The following LASP1 variants were observed in gnomAD, a reference collection of about 807,000 sequenced individuals.
The protein encoded by LASP1 is LIM and SH3 protein 1, also known as LIM and SH3 domain protein 1.
Under a neutral mutation model 38.6 loss-of-function variants are expected in LASP1, and 10 were observed. The ratio of observed to expected loss-of-function variants is 0.26; its 90% CI spans 0.16 to 0.44. The LOEUF (loss-of-function observed/expected upper bound fraction) is 0.44, where lower values mean the gene tolerates loss of function less well. LASP1 is among the 20% of genes least tolerant of loss of function. LASP1 has a pLI of 1.00. For synonymous variants in LASP1, 132 were observed against 140.8 expected (o/e 0.94, Z 0.44); for missense variants, 243 against 375.7 (o/e 0.65, Z 2.92).
chr17:38,881,997 A>G (rs1431169189), intron 2 of LASP1, among the ~76,000 whole-genome samples: 1 of 152,238 alleles, frequency 6.6e-6, no homozygotes, highest in Non-Finnish European at 1.5e-5. Context: ...AACATAGGCC[A>G]GAGCTCACTG....
chr17:38,908,346 C>T (rs773030938), intron 4 of LASP1, among the ~76,000 whole-genome samples: 7 of 152,248 alleles, frequency 4.6e-5, no homozygotes, highest in African/African-American at 7.2e-5. Context: ...GCAGGTGCCT[C>T]GTGAGCCTGG....
chr17:38,911,825 A>C (rs1349727404), intron 4 of LASP1, among the ~76,000 whole-genome samples: 9 of 151,110 alleles, frequency 6.0e-5, no homozygotes, highest in African/African-American at 2.2e-4. Flanking sequence ...ACGGAGTCTC[A>C]CTCTGTCACC....
Position 38,901,742 on chromosome 17 carries a change from C to T in LASP1, c.357+3223C>T, listed in dbSNP as rs143299394. 3.3e-3 allele frequency among the ~76,000 whole-genome samples: 503 copies of T among 152,230 alleles called. 3 individuals are homozygous for T. Among genetic ancestry groups the T allele is most frequent in the Non-Finnish European group, 5.7e-3 (389 of 67,986 alleles). On this transcript the variant is annotated intron_variant, in intron 4 of 6. Transcript: ENST00000318008. Reference sequence around the variant, plus strand: ...CAGAGGGTGCCAGATCAGGCTGTACCTCAGAACCCCAGGGGAGCTTTATTT... The same window carrying T: ...CAGAGGGTGCCAGATCAGGCTGTACTTCAGAACCCCAGGGGAGCTTTATTT...
chr17:38,910,577 A>G lies in LASP1; in HGVS notation c.358-3748A>G, dbSNP rs146881924. 3.8e-3 allele frequency among the ~76,000 whole-genome samples: 572 copies of G among 151,808 alleles called. 3 individuals are homozygous for G. The highest frequency in any genetic ancestry group is 0.013 in the African/African-American group (553 of 41,326). On this transcript the variant is annotated intron_variant, in intron 4 of 6. Coordinates refer to ENST00000318008, the MANE Select transcript of LASP1 (RefSeq NM_006148.4). Reference sequence around the variant, plus strand: ...CTTCTGCTCTAGACCACCCGTTCTCAGACTTGAAGCCTGCTTCAGACTTAC... The same window carrying G: ...CTTCTGCTCTAGACCACCCGTTCTCGGACTTGAAGCCTGCTTCAGACTTAC...
chr17:38,914,719 C>T (rs938995551), intron 5 of LASP1, among the ~76,000 whole-genome samples: 15 of 151,950 alleles, frequency 9.9e-5, no homozygotes, highest in Admixed American at 5.2e-4. Context: ...CACACATGCA[C>T]GCACGCATGC....
chr17:38,921,740 C>T lies in LASP1; in HGVS notation c.*2962C>T. 4.4e-6 allele frequency: 1 copy of T among 224,792 alleles called. No homozygotes were observed. Among genetic ancestry groups the T allele is most frequent in the Admixed American group, 5.7e-5 (1 of 17,446 alleles). 13.9% of individuals were successfully genotyped at this position (224,792 alleles called of 1,614,324 possible). A position where few individuals can be genotyped will look rare whatever the true frequency, so the allele number is the denominator to read the frequency against. ...CACAAGTGAATCTTTCTCCTGGTGA[C>T]TCAAATAAAAGTATAATTTTTACCT... On this transcript the variant is annotated 3_prime_UTR_variant, in exon 7 of 7. Coordinates refer to ENST00000318008, the MANE Select transcript of LASP1 (RefSeq NM_006148.4).
At chr17:38,877,495 CCT>C (rs1430811644) in intron 1 of LASP1, among the ~76,000 whole-genome samples, 1 of 152,136 alleles carries the variant, frequency 6.6e-6, no homozygotes, top group African/African-American at 2.4e-5. Context: ...CCAGCCCACT[CCT>C]CTGGCCAGGC....
At chr17:38,899,622 C>A (rs1914585360) in intron 4 of LASP1, among the ~76,000 whole-genome samples, 1 of 152,216 alleles carries the variant, frequency 6.6e-6, no homozygotes, top group Admixed American at 6.5e-5. Flanking sequence ...CAAACTCTGA[C>A]TTCAGCCTAC....
At chr17:38,876,632 C>T (rs893659604) in intron 1 of LASP1, among the ~76,000 whole-genome samples, 3 of 151,972 alleles carry the variant, frequency 2.0e-5, no homozygotes, top group African/African-American at 7.3e-5. Context: ...CCGAAGTGCT[C>T]GGATTATAGG....
In LASP1 at chr17:38,892,589, CA is replaced by C. The variant is rs1215504142; in HGVS notation, c.249+2086del. Among the ~76,000 whole-genome samples the C allele has an allele frequency of 1.8e-4, 26 of 143,486 alleles. No homozygotes were observed. The East Asian group carries it at 2.7e-3, about 15-fold the overall frequency. 94.1% of individuals were successfully genotyped at this position (143,486 alleles called of 152,430 possible). A position where few individuals can be genotyped will look rare whatever the true frequency, so the allele number is the denominator to read the frequency against. On this transcript the variant is annotated intron_variant, in intron 3 of 6. Coordinates refer to ENST00000318008, the MANE Select transcript of LASP1 (RefSeq NM_006148.4). ...ACACACACACACACACACACACACA[CA>C]CCCTTCTCAGGGGAGAAATTCAAAC...
intron 4 of LASP1, among the ~76,000 whole-genome samples, chr17:38,900,525 T>C (rs931251633): frequency 7.2e-5 from 11 of 151,878 alleles, no homozygotes; most frequent in African/African-American, 2.4e-4. Context: ...ATACAAAAAT[T>C]AGCTGGGCGT....
chr17:38,910,930 C>G (rs990266736), intron 4 of LASP1, among the ~76,000 whole-genome samples: 1 of 152,094 alleles, frequency 6.6e-6, no homozygotes, highest in African/African-American at 2.4e-5. Flanking sequence ...ACCATGTTGG[C>G]CAGGCTGGTC....
Position 38,908,563 on chromosome 17 carries a change from C to T in LASP1, c.358-5762C>T, listed in dbSNP as rs184856457. Among the ~76,000 whole-genome samples the T allele has an allele frequency of 4.2e-3, 634 of 152,332 alleles. 6 individuals carry two copies. Among genetic ancestry groups the T allele is most frequent in the African/African-American group, 0.014 (590 of 41,580 alleles). ...TTGGCTGCCTCACCTCAGGAACAGG[C>T]TTAGCCTGTGCTGCCACGTGGGTGC... On this transcript the variant is annotated intron_variant, in intron 4 of 6. Transcript: ENST00000318008.
chr17:38,910,252 A>C (rs1205782022), intron 4 of LASP1, among the ~76,000 whole-genome samples: 2 of 152,158 alleles, frequency 1.3e-5, no homozygotes, highest in Non-Finnish European at 2.9e-5. Context: ...GCCAGGTAGG[A>C]GGTATCTCAG....
intron 4 of LASP1, among the ~76,000 whole-genome samples, chr17:38,910,733 C>CCTTTTTTTTTTTTTT (rs1555556390): frequency 7.4e-6 from 1 of 135,476 alleles, no homozygotes; most frequent in South Asian, 2.3e-4. Flanking sequence ...CTGGAGTCCA[C>CCTTTTTTTTTTTTTT]TTTTTTTTAA....
chr17:38,917,360 G>A (rs1915161068), intron 6 of LASP1, among the ~76,000 whole-genome samples: 1 of 152,170 alleles, frequency 6.6e-6, no homozygotes, highest in African/African-American at 2.4e-5. Context: ...AAGGTCAGGG[G>A]AGGTAGAATG....
Position 38,920,187 on chromosome 17 carries a change from A to G in LASP1, c.*1409A>G, listed in dbSNP as rs1340638230. On this transcript the variant is annotated 3_prime_UTR_variant, in exon 7 of 7. Coordinates refer to ENST00000318008, the MANE Select transcript of LASP1 (RefSeq NM_006148.4). ...GCAGCCTGCTGGGGCTAAGCGGTGG[A>G]GGAAGGCTCTGTCACTCCAGGCATA... is the stretch of plus-strand genomic sequence containing the variant. 4 of 516,748 alleles carry G rather than the reference A, an allele frequency of 7.7e-6. No individual in the cohort carries two copies. Among genetic ancestry groups the G allele is most frequent in the Non-Finnish European group, 1.5e-5 (4 of 263,984 alleles). The allele number at this position is 516,748 out of a possible 1,614,324, so 32.0% of individuals were successfully genotyped here.
In LASP1 at chr17:38,898,646, G is replaced by C. The variant is rs778846955; in HGVS notation, c.357+127G>C. 2.2e-5 allele frequency: 16 copies of C among 738,372 alleles called. No individual in the cohort carries two copies. In the African/African-American group the frequency reaches 2.4e-4, roughly 11 times the overall value. 45.7% of individuals were successfully genotyped at this position (738,372 alleles called of 1,614,324 possible). ...TGCCTCCACTACCCCTGCCCTCCAGGGTGGGCCTGGGGAAGAGCTTGGGGT... is the reference window on the plus strand; with the variant it reads ...TGCCTCCACTACCCCTGCCCTCCAGCGTGGGCCTGGGGAAGAGCTTGGGGT... On this transcript the variant is annotated intron_variant, in intron 4 of 6. Coordinates refer to ENST00000318008, the MANE Select transcript of LASP1 (RefSeq NM_006148.4).
At chr17:38,896,158 C>T (rs1397192051) in intron 3 of LASP1, among the ~76,000 whole-genome samples, 2 of 151,532 alleles carry the variant, frequency 1.3e-5, no homozygotes, top group Non-Finnish European at 2.9e-5. Flanking sequence ...CCTCCCTACA[C>T]CCCTGGCCCC....
Sources: allele counts gnomAD v4.1 joint callset (sites outside exome capture counted in the v4.1 genomes callset), GRCh38; gene constraint gnomAD v4.1.1; transcripts MANE v1.5; gene names NCBI Gene and HGNC (gene_info 2026-07-23, HGNC 2026-07-21).